The following ITFG2 variants were observed in gnomAD, a reference collection of about 807,000 sequenced individuals.
The protein encoded by ITFG2 is integrin alpha FG-GAP repeat containing 2, also known as KICSTOR complex protein ITFG2.
In ITFG2, 36 loss-of-function variants were observed where a neutral mutation model predicts 54.4. The ratio of observed to expected loss-of-function variants is 0.66; its 90% confidence interval spans 0.51 to 0.87. The LOEUF is 0.87. Among genes scored for constraint, ITFG2 ranks in the 40% least tolerant of loss-of-function variants. The pLI is 0.00. For missense variants in ITFG2, 524 were observed against 576.7 expected (o/e 0.91, Z 0.94); for synonymous variants, 211 against 225.4 (o/e 0.94, Z 0.57).
chr12:2,853,613 G>GTT (rs1394161799), intron 2 of ITFG2, among the ~76,000 whole-genome samples: 6 of 114,052 alleles, frequency 5.3e-5, no homozygotes, highest in African/African-American at 9.1e-5. Context: ...TTTTGTTTTT[G>GTT]TTTTTTTTTC....
At chr12:2,825,291 G>A (rs1468483468), downstream of ITFG2, 1 of 152,228 alleles carries the variant, frequency 6.6e-6, no homozygotes, top group Non-Finnish European at 1.5e-5. Context: ...GGGACAATGG[G>A]CAATTATCAC....
intron 2 of ITFG2, chr12:2,849,561 C>G (rs1259358774): frequency 2.0e-6 from 3 of 1,534,636 alleles, no homozygotes; most frequent in Non-Finnish European, 2.6e-6. Context: ...ACAGAGAGAT[C>G]AAAGAAGAGA....
chr12:2,823,579 A>G (rs371265675), intron 10 of ITFG2, among the ~76,000 whole-genome samples, 191 bp from the exon 11 acceptor site: 2 of 152,172 alleles, frequency 1.3e-5, no homozygotes, highest in Non-Finnish European at 2.9e-5. Flanking sequence ...CTACATCTGA[A>G]GTGAGCCAGG....
intron 1 of ITFG2, among the ~76,000 whole-genome samples, chr12:2,840,658 C>T (rs978170693): frequency 5.4e-5 from 8 of 149,124 alleles, no homozygotes; most frequent in Non-Finnish European, 8.9e-5. Context: ...AGGTGGCGGG[C>T]GCCTGTAGTC....
chr12:2,832,328 G>A (rs184010138), upstream of ITFG2, among the ~76,000 whole-genome samples: 83 of 151,978 alleles, frequency 5.5e-4, no homozygotes, highest in East Asian at 0.01. Context: ...TGACCGGGCC[G>A]TGCCTCCTTC....
intron 2 of ITFG2, 105 bp from the exon 3 acceptor site, chr12:2,817,804 T>G: frequency 9.6e-7 from 1 of 1,038,134 alleles, no homozygotes; most frequent in Non-Finnish European, 1.4e-6. Flanking sequence ...AAGTCTTCAG[T>G]GAGCGATGGT....
chr12:2,837,852 A>G (rs1486954151), intron 1 of ITFG2, among the ~76,000 whole-genome samples: 2 of 152,122 alleles, frequency 1.3e-5, no homozygotes, highest in African/African-American at 4.8e-5. Flanking sequence ...TTCTTAGAAA[A>G]TATGCCCAAG....
At chr12:2,848,528 C>G in intron 2 of ITFG2, among the ~76,000 whole-genome samples, 2 of 152,214 alleles carry the variant, frequency 1.3e-5, no homozygotes, top group South Asian at 4.1e-4. Context: ...GTGGAGAGGC[C>G]GCTCTTTTAC....
downstream of ITFG2, chr12:2,825,409 T>C (rs2097961791): frequency 6.6e-6 from 1 of 152,464 alleles, no homozygotes; most frequent in African/African-American, 2.4e-5. Flanking sequence ...CCATTGGGCC[T>C]GGGGTCTGCA....
intron 3 of ITFG2, chr12:2,858,530 G>C (rs2098097016): frequency 1.1e-6 from 1 of 928,528 alleles, no homozygotes; most frequent in Non-Finnish European, 1.6e-6. Flanking sequence ...GAGCTATGAG[G>C]AGCAGAACAG....
chr12:2,846,421 A>C (rs1167398784), intron 2 of ITFG2, among the ~76,000 whole-genome samples: 4 of 152,064 alleles, frequency 2.6e-5, no homozygotes, highest in African/African-American at 9.7e-5. Flanking sequence ...GTGAGGTGGC[A>C]AGTAGCCCGA....
At chr12:2,823,742 C>T (rs2153925038) in intron 10 of ITFG2, 28 bp from the exon 11 acceptor site, 5 of 1,524,246 alleles carry the variant, frequency 3.3e-6, no homozygotes, top group East Asian at 4.5e-5. Context: ...AACTTCCTGA[C>T]CTTTATCTCC....
chr12:2,832,110 A>G (rs887827364), upstream of ITFG2, among the ~76,000 whole-genome samples: 1 of 152,156 alleles, frequency 6.6e-6, no homozygotes, highest in African/African-American at 2.4e-5. Flanking sequence ...CCTCTTAAAA[A>G]TGCACTCTCA....
rs747847102 is a variant in ITFG2, at chr12:2,823,793, C to T, written c.1090C>T (p.Arg364Cys). The T allele has an allele frequency of 2.1e-5, 33 of 1,578,152 alleles. No homozygotes were observed. Among genetic ancestry groups the T allele is most frequent in the Non-Finnish European group, 2.8e-5 (33 of 1,160,524 alleles). Residue 364 changes from arginine to cysteine, a missense_variant, in exon 11 of 12, where the codon CGC becomes TGC. Coordinates refer to ENST00000228799, the MANE Select transcript of ITFG2 (RefSeq NM_018463.4). ...AGGCCTGTACGCCTGCAAAGAGGGC[C>T]GCAACAGCCCCTGCCTCGTATATGT... ...CAGLYACKEG[R>C]NSPCLVYVTF...
chr12:2,847,188 T>C lies in ITFG2; in HGVS notation n.300+6193T>C, dbSNP rs146161052. The stretch of plus-strand genomic sequence containing the variant: ...TATCCATGTTGTAACATGTATTCTT[T>C]TAAAAAAAATTTTAATGTGTAAAAT... On this transcript the variant is annotated intron_variant and non_coding_transcript_variant, in intron 2 of 3. Transcript: ENST00000537710. 1.9e-3 allele frequency among the ~76,000 whole-genome samples: 284 copies of C among 152,320 alleles called. 6 individuals are homozygous for C. The East Asian group carries it at 0.048, about 26-fold the overall frequency.
intron 2 of ITFG2, chr12:2,849,202 T>A: frequency 6.6e-7 from 1 of 1,517,954 alleles, no homozygotes; most frequent in Non-Finnish European, 8.8e-7. Context: ...GGGCTCTGGG[T>A]ATCACGATCG....
intron 2 of ITFG2, among the ~76,000 whole-genome samples, chr12:2,849,980 G>C (rs1039258778): frequency 4.6e-5 from 7 of 152,164 alleles, no homozygotes; most frequent in African/African-American, 1.7e-4. Flanking sequence ...CTGAATAGTG[G>C]CCAGTTTTCT....
chr12:2,827,276 T>TC, downstream of ITFG2: 1 of 1,614,006 alleles, frequency 6.2e-7, no homozygotes, highest in Non-Finnish European at 8.5e-7. This position sits in a 1 kb window ranked among gnomAD's most constrained non-coding sequence, Gnocchi z 4.0. Flanking sequence ...GCCGCAGCAC[T>TC]CCGTGCTCCA....
At chr12:2,851,543 A>G (rs2098071043) in intron 2 of ITFG2, among the ~76,000 whole-genome samples, 1 of 151,906 alleles carries the variant, frequency 6.6e-6, no homozygotes, top group Admixed American at 6.6e-5. Flanking sequence ...GGGTTTCGCC[A>G]TGGTGGCCAG....
Sources: gnomAD v4.1 joint callset for allele counts (sites outside exome capture counted in the v4.1 genomes callset) on GRCh38, gnomAD v4.1.1 for gene constraint, Gnocchi (gnomAD v3.1) non-coding constraint, MANE v1.5 for transcripts, NCBI Gene and HGNC (gene_info 2026-07-23, HGNC 2026-07-21) for gene names.